GRM8: variants seen among roughly 807,000 people sequenced by gnomAD.
The protein encoded by GRM8 is glutamate metabotropic receptor 8.
In GRM8, 47 loss-of-function variants were observed where a neutral mutation model predicts 87.2. That is an observed-to-expected ratio of 0.54 (90% confidence interval 0.43 to 0.69). GRM8 has a LOEUF of 0.69. Ranked by LOEUF, GRM8 falls within the 30% of genes least tolerant of loss-of-function variation. The pLI, the probability that GRM8 is intolerant of heterozygous loss-of-function variation, is 0.00. For missense variants in GRM8, 1,019 were observed against 1,139.2 expected (o/e 0.89, Z 1.52); for synonymous variants, 396 against 404.5 (o/e 0.98, Z 0.25).
intron 2 of GRM8, among the ~76,000 whole-genome samples, chr7:127,175,174 T>C (rs186430177): frequency 2.6e-5 from 4 of 152,212 alleles, no homozygotes; most frequent in African/African-American, 9.6e-5. Flanking sequence ...ACCAAAACTA[T>C]GAAAAGTCTT....
At chr7:127,160,949 T>C (rs1038085621) in intron 2 of GRM8, among the ~76,000 whole-genome samples, 2 of 152,150 alleles carry the variant, frequency 1.3e-5, no homozygotes, top group Non-Finnish European at 2.9e-5. Flanking sequence ...GAGTGGTCTT[T>C]TCTTAGTAGA....
chr7:127,243,078 C>A lies in GRM8; in HGVS notation c.127G>T (p.Asp43Tyr), dbSNP rs2116882684. The A allele has an allele frequency of 6.2e-7, 1 of 1,613,984 alleles. No homozygotes were observed. Among genetic ancestry groups the A allele is most frequent in the East Asian group, 2.2e-5 (1 of 44,878 alleles). Reference sequence around the variant, plus strand: ...AGACCCCCCAAAATAATGTCCCCATCCACCCGTATGGAATGGGCATACTCC... The same window carrying A: ...AGACCCCCCAAAATAATGTCCCCATACACCCGTATGGAATGGGCATACTCC... Reference protein sequence around the residue: ...SQEYAHSIRVDGDIILGGLFP... With the variant: ...SQEYAHSIRVYGDIILGGLFP... Residue 43 changes from aspartate to tyrosine, a missense_variant, in exon 2 of 11, where the codon GAT becomes TAT. Asp to Tyr is a radical substitution (Grantham distance 160, BLOSUM62 -3). Transcript: ENST00000339582.
At chr7:126,567,662 C>CA (rs530017837) in intron 8 of GRM8, among the ~76,000 whole-genome samples, 231 of 151,976 alleles carry the variant, frequency 1.5e-3, no homozygotes, top group Non-Finnish European at 2.6e-3. Context: ...CTCTCTGGTG[C>CA]AAAAAATAAA....
intron 3 of GRM8, among the ~76,000 whole-genome samples, chr7:126,950,056 G>A (rs1013539653): frequency 5.3e-5 from 8 of 152,130 alleles, no homozygotes; most frequent in Admixed American, 2.6e-4. Flanking sequence ...GCAATGGCTC[G>A]ATTCCTTGAA....
chr7:126,479,418 A>G (rs1806391909), intron 9 of GRM8, among the ~76,000 whole-genome samples: 1 of 152,044 alleles, frequency 6.6e-6, no homozygotes, highest in Non-Finnish European at 1.5e-5. Context: ...CTAACCTACT[A>G]TATGTCTCTG....
chr7:126,926,854 T>A (rs1021652506), intron 3 of GRM8, among the ~76,000 whole-genome samples: 1 of 152,226 alleles, frequency 6.6e-6, no homozygotes, highest in Non-Finnish European at 1.5e-5. Context: ...ATTCATAACC[T>A]CATTCAAACA....
chr7:126,930,455 G>C (rs1805647472), intron 3 of GRM8, among the ~76,000 whole-genome samples: 1 of 152,152 alleles, frequency 6.6e-6, no homozygotes, highest in South Asian at 2.1e-4. Context: ...ACACTGCTCT[G>C]GTCTTGCCGA....
At chr7:126,987,618 G>A (rs12667212) in intron 3 of GRM8, among the ~76,000 whole-genome samples, 47,823 of 151,726 alleles carry the variant, frequency 0.32, 7,598 homozygotes, top group Non-Finnish European at 0.35. Flanking sequence ...CTGCCACCAC[G>A]CCCGGCTAAT....
intron 3 of GRM8, among the ~76,000 whole-genome samples, chr7:127,042,104 C>T (rs1818481446): frequency 1.3e-5 from 2 of 152,160 alleles, no homozygotes; most frequent in Non-Finnish European, 1.5e-5. Flanking sequence ...TCTGAGAACA[C>T]AATTACCATT....
intron 9 of GRM8, among the ~76,000 whole-genome samples, chr7:126,527,857 T>A (rs1814106283): frequency 6.6e-6 from 1 of 152,188 alleles, no homozygotes; most frequent in African/African-American, 2.4e-5. Flanking sequence ...CTCACAGCCC[T>A]CTTTAACTGC....
At chr7:127,139,557 T>C (rs746598411) in intron 2 of GRM8, among the ~76,000 whole-genome samples, 2 of 152,064 alleles carry the variant, frequency 1.3e-5, no homozygotes, top group Non-Finnish European at 2.9e-5. Context: ...AGCAAAGACT[T>C]TAAGTTTCAG....
At chr7:127,048,749 T>C (rs1819181304) in intron 3 of GRM8, among the ~76,000 whole-genome samples, 1 of 152,232 alleles carries the variant, frequency 6.6e-6, no homozygotes, top group Non-Finnish European at 1.5e-5. Context: ...TTTCACCTTG[T>C]GAAAATGCTT....
chr7:126,822,716 C>G (rs1794411526), intron 6 of GRM8, among the ~76,000 whole-genome samples: 1 of 152,040 alleles, frequency 6.6e-6, no homozygotes. Context: ...ATTATAGACT[C>G]CTATCTCTTA....
At chr7:126,736,463 G>C (rs147804980) in intron 7 of GRM8, among the ~76,000 whole-genome samples, 1 of 151,858 alleles carries the variant, frequency 6.6e-6, no homozygotes, top group Non-Finnish European at 1.5e-5. Context: ...TTTGAACAAG[G>C]TTATTCATTA....
chr7:127,195,609 C>T (rs1278109998), intron 2 of GRM8, among the ~76,000 whole-genome samples: 1 of 152,168 alleles, frequency 6.6e-6, no homozygotes, highest in Non-Finnish European at 1.5e-5. Flanking sequence ...TTTCACCTCC[C>T]TCTCCTGTCA....
chr7:126,718,060 G>A (rs753616253), intron 7 of GRM8, among the ~76,000 whole-genome samples: 10 of 151,808 alleles, frequency 6.6e-5, no homozygotes, highest in Middle Eastern at 6.8e-3. Context: ...GTGAAACCCC[G>A]TCTCTACTAA....
chr7:127,016,961 C>G (rs1815738850), intron 3 of GRM8, among the ~76,000 whole-genome samples: 1 of 151,936 alleles, frequency 6.6e-6, no homozygotes, highest in South Asian at 2.1e-4. Flanking sequence ...TCACTATTTT[C>G]TATAAAAGAA....
intron 3 of GRM8, among the ~76,000 whole-genome samples, chr7:127,030,784 T>A (rs2132300200): frequency 6.6e-6 from 1 of 152,112 alleles, no homozygotes; most frequent in East Asian, 1.9e-4. Context: ...TCGGCCAACT[T>A]AACAACAGGA....
intron 2 of GRM8, among the ~76,000 whole-genome samples, chr7:127,193,186 A>G (rs1462040460): frequency 6.6e-6 from 1 of 152,230 alleles, no homozygotes; most frequent in Non-Finnish European, 1.5e-5. Context: ...TGCATAACAC[A>G]AATTTGTTTT....
Sources: gnomAD v4.1 joint callset for allele counts (sites outside exome capture counted in the v4.1 genomes callset) on GRCh38, gnomAD v4.1.1 for gene constraint, MANE v1.5 for transcripts, NCBI Gene and HGNC (gene_info 2026-07-23, HGNC 2026-07-21) for gene names.